Variants in FMNL3 observed in about 807,000 individuals in gnomAD.
The protein encoded by FMNL3 is formin like 3.
In FMNL3, 57 loss-of-function variants were observed where a neutral mutation model predicts 119.6. That is an observed-to-expected ratio of 0.48 (90% CI 0.39 to 0.59). The LOEUF (loss-of-function observed/expected upper bound fraction) is 0.59. FMNL3 is among the 20% of genes least tolerant of loss of function. The pLI is 0.00. For synonymous variants in FMNL3, 491 were observed against 507.3 expected, an observed-to-expected ratio of 0.97 and a Z score of 0.43; for missense variants, 1,053 against 1,323.5, an observed-to-expected ratio of 0.80 and a Z score of 3.17.
At chr12:49,655,924 C>T (rs1943554432) in intron 9 of FMNL3, among the ~76,000 whole-genome samples, 1 of 152,148 alleles carries the variant, frequency 6.6e-6, no homozygotes, top group South Asian at 2.1e-4. Context: ...GTTCCTTCTC[C>T]CCTCACCAAT....
chr12:49,692,338 C>A (rs944106487), intron 1 of FMNL3, among the ~76,000 whole-genome samples: 48 of 151,342 alleles, frequency 3.2e-4, no homozygotes, highest in African/African-American at 1.1e-3. Context: ...AAAAAAAAAA[C>A]TTCAGTCTAC....
At chr12:49,667,329 A>C (rs1162726329) in intron 2 of FMNL3, among the ~76,000 whole-genome samples, 1 of 152,242 alleles carries the variant, frequency 6.6e-6, no homozygotes, top group Non-Finnish European at 1.5e-5. Context: ...AAAGACTGAG[A>C]GATCAATTAA....
In FMNL3 at chr12:49,649,565, A is replaced by G; in HGVS notation, c.2236-27T>C. On this transcript the variant is annotated intron_variant, in intron 18 of 25. Coordinates refer to ENST00000335154, the MANE Select transcript of FMNL3 (RefSeq NM_175736.5). The surrounding 1 kb of genome is among the most constrained non-coding windows in gnomAD (Gnocchi z 5.6). ...TGTAGGACAATATGAACACTGAAGT[A>G]ACCCCAGGCTGAGATGGGGTAAAGA... The G allele has an allele frequency of 6.2e-7, 1 of 1,614,062 alleles. No individual in the cohort carries two copies. The highest frequency in any genetic ancestry group is 8.5e-7 in the Non-Finnish European group (1 of 1,179,918).
chr12:49,698,391 A>C (rs984516599), intron 1 of FMNL3, among the ~76,000 whole-genome samples: 10 of 152,190 alleles, frequency 6.6e-5, no homozygotes, highest in Non-Finnish European at 1.5e-4. Flanking sequence ...CTGCCATGTA[A>C]ATAATTCTGC....
chr12:49,680,134 G>T (rs1387465690), intron 1 of FMNL3, among the ~76,000 whole-genome samples: 1 of 152,112 alleles, frequency 6.6e-6, no homozygotes, highest in African/African-American at 2.4e-5. Flanking sequence ...AGATACTCTG[G>T]GCTGCCCAAA....
Position 49,646,905 on chromosome 12 carries a change from G to A in FMNL3, c.2976C>T (p.Thr992=). 1 of 1,613,922 alleles carries A rather than the reference G, an allele frequency of 6.2e-7. No homozygotes were observed. The highest frequency in any genetic ancestry group is 8.5e-7 in the Non-Finnish European group (1 of 1,179,930). ...HRPVYEGKDG[T]IEDIITGLHC... The stretch of plus-strand genomic sequence containing the variant: ...CCCCACCTGTGATGATGTCCTCGAT[G>A]GTACCATCCTTCCCCTCATAAACAG... Residue 992 remains threonine (T), a synonymous_variant, in exon 25 of 26, where the codon ACC becomes ACT. Coordinates refer to ENST00000335154, the MANE Select transcript of FMNL3 (RefSeq NM_175736.5).
In FMNL3 at chr12:49,666,213, A is replaced by AG; in HGVS notation, c.211-7dup. On this transcript the variant is annotated splice_region_variant and splice_polypyrimidine_tract_variant and intron_variant, in intron 2 of 25. Coordinates refer to ENST00000335154, the MANE Select transcript of FMNL3 (RefSeq NM_175736.5). ...TTCTTCACCTGGAATCGTTCCTGTA[A>AG]GGGAAACATGCATATGCGTATCCAC... 1.9e-6 allele frequency: 3 copies of AG among 1,612,824 alleles called. No individual in the cohort carries two copies. The highest frequency in any genetic ancestry group is 4.5e-5 in the East Asian group (2 of 44,872).
Position 49,648,091 on chromosome 12 carries a change from CAGCT to C in FMNL3, c.2676+98_2676+101del, listed in dbSNP as rs1943266581. 5.7e-6 allele frequency: 8 copies of C among 1,395,428 alleles called. No individual in the cohort carries two copies. In the South Asian group the frequency reaches 1.2e-4, roughly 20 times the overall value. The allele number at this position is 1,395,428 out of a possible 1,614,324, so 86.4% of individuals were successfully genotyped here. On this transcript the variant is annotated intron_variant, in intron 22 of 25. Coordinates refer to ENST00000335154, the MANE Select transcript of FMNL3 (RefSeq NM_175736.5). ...TCTCTCTCCCCTACATGTAGCCAGC[CAGCT>C]GCTTGATTTAAAAAAAAAAAAAAAT...
At chr12:49,648,921 A>G in intron 21 of FMNL3, 108 bp downstream of exon 21, 2 of 1,475,040 alleles carry the variant, frequency 1.4e-6, no homozygotes, top group Non-Finnish European at 1.8e-6. Context: ...GAAAGAAGAT[A>G]ACAAAAGCCA....
At chr12:49,658,885 CAGA>C (rs1415007983) in intron 5 of FMNL3, among the ~76,000 whole-genome samples, 3 of 152,186 alleles carry the variant, frequency 2.0e-5, no homozygotes, top group South Asian at 4.1e-4. Context: ...CAGGAAATTC[CAGA>C]AGGAGTGTCC....
intron 1 of FMNL3, among the ~76,000 whole-genome samples, chr12:49,699,325 G>C (rs541933319): frequency 1.1e-3 from 163 of 152,270 alleles, no homozygotes; most frequent in African/African-American, 3.5e-3. Flanking sequence ...CAACCTCAGG[G>C]GCAGGGGAGG....
In FMNL3 at chr12:49,703,673, A is replaced by G. The variant is rs530466941; in HGVS notation, c.126+3382T>C. On this transcript the variant is annotated intron_variant, in intron 1 of 25. Coordinates refer to ENST00000335154, the MANE Select transcript of FMNL3 (RefSeq NM_175736.5). ...TCCATCTGCAGCACACTAGTAGGGA[A>G]GCCCTGAATTAAGGCACTGGGCTGG... is the stretch of plus-strand genomic sequence containing the variant. 3.9e-5 allele frequency among the ~76,000 whole-genome samples: 6 copies of G among 152,332 alleles called. No individual in the cohort carries two copies. The East Asian group carries it at 1.2e-3, about 29-fold the overall frequency.
intron 1 of FMNL3, among the ~76,000 whole-genome samples, chr12:49,704,976 C>A (rs1176044802): frequency 6.6e-6 from 1 of 152,184 alleles, no homozygotes; most frequent in South Asian, 2.1e-4. Flanking sequence ...GGGTCAAACA[C>A]CTGACTCAGT....
At chr12:49,672,785 T>C (rs1944080426) in intron 1 of FMNL3, among the ~76,000 whole-genome samples, 2 of 152,172 alleles carry the variant, frequency 1.3e-5, no homozygotes, top group South Asian at 4.1e-4. Flanking sequence ...AGCTGTGAGC[T>C]CTGCTCTGGG....
In FMNL3 at chr12:49,641,077, C is replaced by A. The variant is rs745702495; in HGVS notation, c.*4738G>T. The A allele has an allele frequency of 6.6e-6, 1 of 152,226 alleles. No homozygotes were observed. The highest frequency in any genetic ancestry group is 2.4e-5 in the African/African-American group (1 of 41,452). 9.4% of individuals were successfully genotyped at this position (152,226 alleles called of 1,614,324 possible). ...GGCCTGTGCTTAACTGACGTGAGAG[C>A]CAGACTTTGAACTCCAGTGGCTTCA... On this transcript the variant is annotated 3_prime_UTR_variant, in exon 26 of 26. Coordinates refer to ENST00000335154, the MANE Select transcript of FMNL3 (RefSeq NM_175736.5).
Position 49,649,909 on chromosome 12 carries a change from G to C in FMNL3, c.2017C>G (p.Leu673Val), listed in dbSNP as rs1943340588. The change falls in exon 18 of 26, where the codon CTA (leucine) becomes GTA (valine). Residue 673 changes from leucine (L) to valine (V), a missense_variant. Leu to Val is a conservative substitution (Grantham distance 32, BLOSUM62 1). Coordinates refer to ENST00000335154, the MANE Select transcript of FMNL3 (RefSeq NM_175736.5). This position sits in a 1 kb window ranked among gnomAD's most constrained non-coding sequence, Gnocchi z 5.6. ...RAIHTFDLQT[L>V]PVDFVECLMR... is the part of the protein sequence containing the mutation. ...AGGCACTCCACGAAGTCCACAGGTAGTGTCTGCAAGTCAAACCTGTGGAGG... is the reference window on the plus strand; with the variant it reads ...AGGCACTCCACGAAGTCCACAGGTACTGTCTGCAAGTCAAACCTGTGGAGG... 1.2e-6 allele frequency: 2 copies of C among 1,613,686 alleles called. No homozygotes were observed. The highest frequency in any genetic ancestry group is 2.7e-5 in the African/African-American group (2 of 74,926).
chr12:49,660,360 T>C (rs1943696349), intron 5 of FMNL3, among the ~76,000 whole-genome samples: 1 of 152,240 alleles, frequency 6.6e-6, no homozygotes, highest in African/African-American at 2.4e-5. Flanking sequence ...AGAGAGAGGC[T>C]TATTTGGAAA....
intron 2 of FMNL3, among the ~76,000 whole-genome samples, chr12:49,667,745 AAAAG>A (rs1943930776): frequency 6.6e-6 from 1 of 152,218 alleles, no homozygotes; most frequent in African/African-American, 2.4e-5. Context: ...CCAGAGCCTG[AAAAG>A]AAATAATAAA....
In FMNL3 at chr12:49,707,191, CCCCCTCAGGGG is replaced by C. The variant is rs1565905495; in HGVS notation, c.-22_-12del. ...CTCCAGGTTGCCCATCGCGGCGGGG[CCCCCTCAGGGG>C]CCTCGGCCCCCCACCTCCACGCTCC... On this transcript the variant is annotated 5_prime_UTR_variant, in exon 1 of 26. Coordinates refer to ENST00000335154, the MANE Select transcript of FMNL3 (RefSeq NM_175736.5). The C allele has an allele frequency of 6.5e-7, 1 of 1,534,370 alleles. No homozygotes were observed.
Sources: gnomAD v4.1 joint callset for allele counts (sites outside exome capture counted in the v4.1 genomes callset) on GRCh38, gnomAD v4.1.1 for gene constraint, Gnocchi (gnomAD v3.1) non-coding constraint, MANE v1.5 for transcripts, NCBI Gene and HGNC (gene_info 2026-07-23, HGNC 2026-07-21) for gene names.